The following SETD3 variants were observed in gnomAD, a reference collection of about 807,000 sequenced individuals.
The protein encoded by SETD3 is SET domain containing 3, actin N3(tau)-histidine methyltransferase, also known as actin-histidine N-methyltransferase.
Under a neutral mutation model 63.0 loss-of-function variants are expected in SETD3, and 19 were observed. The observed-to-expected ratio is 0.30, with a 90% CI of 0.21 to 0.44. The LOEUF is 0.44. Ranked by LOEUF, SETD3 falls within the 20% of genes least tolerant of loss-of-function variation. The pLI is 1.00. For missense variants in SETD3, 587 were observed against 728.5 expected (o/e 0.81, Z 2.24); for synonymous variants, 286 against 264.1 (o/e 1.08, Z -0.80).
At chr14:99,467,148 T>C (rs974298791) in intron 1 of SETD3, among the ~76,000 whole-genome samples, 2 of 152,240 alleles carry the variant, frequency 1.3e-5, no homozygotes, top group Admixed American at 1.3e-4. Context: ...TCTTCTCTTA[T>C]GTATCTAACG....
intron 6 of SETD3, among the ~76,000 whole-genome samples, chr14:99,421,203 C>T (rs1026638487): frequency 2.6e-5 from 4 of 151,948 alleles, no homozygotes; most frequent in African/African-American, 7.3e-5. Flanking sequence ...CCAACTCCTC[C>T]ATCTTATTAA....
intron 6 of SETD3, among the ~76,000 whole-genome samples, chr14:99,442,148 T>C (rs907838203): frequency 5.9e-5 from 9 of 152,302 alleles, no homozygotes; most frequent in Non-Finnish European, 5.9e-5. Context: ...AGCCCCAACC[T>C]AGCCACTTCC....
chr14:99,461,399 C>T (rs1030872178), intron 3 of SETD3, 59 bp from the exon 4 acceptor site: 13 of 1,536,420 alleles, frequency 8.5e-6, no homozygotes, highest in African/African-American at 4.2e-5. Flanking sequence ...ATCATTCACA[C>T]GTCTCTCAGA....
chr14:99,482,385 C>A (rs1305903468), upstream of SETD3, among the ~76,000 whole-genome samples: 1 of 152,176 alleles, frequency 6.6e-6, no homozygotes, highest in Non-Finnish European at 1.5e-5. Context: ...GAGCTTTCAG[C>A]GCCTAGAACA....
chr14:99,425,054 G>C (rs879538492), intron 6 of SETD3, among the ~76,000 whole-genome samples: 6 of 152,206 alleles, frequency 3.9e-5, no homozygotes, highest in Non-Finnish European at 7.3e-5. Context: ...AGGCAGTCCA[G>C]AGGGAGGGCT....
At chr14:99,413,722 C>T (rs767474786) in intron 7 of SETD3, among the ~76,000 whole-genome samples, 154 bp downstream of exon 7, 38 of 152,204 alleles carry the variant, frequency 2.5e-4, no homozygotes, top group Non-Finnish European at 4.3e-4. Context: ...CTTATCCAAG[C>T]TGCTCCTGAT....
chr14:99,427,326 C>T (rs1204787002), intron 6 of SETD3, among the ~76,000 whole-genome samples: 1 of 152,158 alleles, frequency 6.6e-6, no homozygotes, highest in Non-Finnish European at 1.5e-5. Context: ...ATAACCACAT[C>T]TTTTAGCCTT....
chr14:99,477,617 G>C lies in SETD3; in HGVS notation c.-9+3111C>G, dbSNP rs1281000478. ...TAAAAATACAAAATTAGCCAGGCGTGGTGGCGCATGCCTGTAATCCCAGCT... is the reference window on the plus strand; with the variant it reads ...TAAAAATACAAAATTAGCCAGGCGTCGTGGCGCATGCCTGTAATCCCAGCT... On this transcript the variant is annotated intron_variant, in intron 1 of 12. Transcript: ENST00000331768. Among the ~76,000 whole-genome samples the C allele has an allele frequency of 2.0e-5, 3 of 151,814 alleles. No individual in the cohort carries two copies. The East Asian group carries it at 5.8e-4, about 29-fold the overall frequency.
intron 11 of SETD3, among the ~76,000 whole-genome samples, chr14:99,402,952 CCATA>C (rs938802710): frequency 6.6e-6 from 1 of 152,142 alleles, no homozygotes; most frequent in African/African-American, 2.4e-5. Context: ...AATTCTGTAT[CCATA>C]TATATGCAAG....
At chr14:99,474,344 A>C (rs1325260197) in intron 1 of SETD3, among the ~76,000 whole-genome samples, 1 of 152,058 alleles carries the variant, frequency 6.6e-6, no homozygotes, top group African/African-American at 2.4e-5. Flanking sequence ...TAAATAAATT[A>C]AATAAATAAA....
chr14:99,438,711 T>G (rs1365739106), intron 6 of SETD3, among the ~76,000 whole-genome samples: 2 of 152,166 alleles, frequency 1.3e-5, no homozygotes, highest in Non-Finnish European at 2.9e-5. Context: ...GGGTTGTCAT[T>G]AAGCAAGCAA....
At chr14:99,468,329 T>C (rs1483208967) in intron 1 of SETD3, among the ~76,000 whole-genome samples, 1 of 152,064 alleles carries the variant, frequency 6.6e-6, no homozygotes, top group African/African-American at 2.4e-5. Flanking sequence ...ACCCTAACAC[T>C]AGTCTCGTAC....
At chr14:99,422,735 A>C (rs747772751) in intron 6 of SETD3, among the ~76,000 whole-genome samples, 8 of 152,200 alleles carry the variant, frequency 5.3e-5, no homozygotes, top group South Asian at 4.1e-4. Context: ...GAGTTTACTT[A>C]GGTAAATCTC....
chr14:99,419,981 G>A (rs1419121154), intron 6 of SETD3, among the ~76,000 whole-genome samples: 4 of 152,150 alleles, frequency 2.6e-5, no homozygotes, highest in African/African-American at 7.2e-5. Flanking sequence ...CATTTCCTGA[G>A]CACCTCCGAA....
intron 6 of SETD3, among the ~76,000 whole-genome samples, chr14:99,454,728 A>G (rs1826725504): frequency 6.7e-6 from 1 of 149,644 alleles, no homozygotes; most frequent in African/African-American, 2.5e-5. Flanking sequence ...AGATACGGGA[A>G]GGAAGGCGCG....
intron 6 of SETD3, among the ~76,000 whole-genome samples, chr14:99,453,856 TATCA>T (rs1295307872): frequency 6.6e-6 from 1 of 152,068 alleles, no homozygotes; most frequent in Non-Finnish European, 1.5e-5. Context: ...TATTGTGTAT[TATCA>T]ATATGTAATG....
At chr14:99,431,678 C>T (rs184994759) in intron 6 of SETD3, among the ~76,000 whole-genome samples, 4 of 152,088 alleles carry the variant, frequency 2.6e-5, no homozygotes, top group African/African-American at 9.6e-5. Context: ...TTAGTAGAGA[C>T]GGGGTTTCTC....
chr14:99,440,975 C>T (rs1893775338), intron 6 of SETD3, among the ~76,000 whole-genome samples: 1 of 152,194 alleles, frequency 6.6e-6, no homozygotes, highest in South Asian at 2.1e-4. Context: ...AGGACAGGAA[C>T]GCTGATGCTC....
At chr14:99,481,886 T>C (rs1403384119), upstream of SETD3, among the ~76,000 whole-genome samples, 3 of 152,200 alleles carry the variant, frequency 2.0e-5, no homozygotes, top group African/African-American at 7.2e-5. Flanking sequence ...CTGAAACTTT[T>C]TGGAGGTTGT....
Sources: gnomAD v4.1 joint callset for allele counts (sites outside exome capture counted in the v4.1 genomes callset) on GRCh38, gnomAD v4.1.1 for gene constraint, MANE v1.5 for transcripts, NCBI Gene and HGNC (gene_info 2026-07-23, HGNC 2026-07-21) for gene names.